Variants in TRAPPC6B observed in about 807,000 individuals in gnomAD.
The protein encoded by TRAPPC6B is trafficking protein particle complex subunit 6B.
TRAPPC6B carries 27 observed loss-of-function variants against 24.7 expected under a neutral mutation model. That is an observed-to-expected ratio of 1.09 (90% confidence interval 0.81 to 1.51). The LOEUF (loss-of-function observed/expected upper bound fraction) is 1.51. TRAPPC6B is among the 40% of genes most tolerant of loss of function. The pLI, the probability that TRAPPC6B is intolerant of heterozygous loss-of-function variation, is 0.00. For missense variants in TRAPPC6B, 212 were observed against 190.8 expected (o/e 1.11, Z -0.66); for synonymous variants, 80 against 66.6 (o/e 1.20, Z -0.98).
rs1481415905 is a variant in TRAPPC6B at position 39,154,201 on chromosome 14, C to T, written c.351+10G>A. 3.2e-6 allele frequency: 5 copies of T among 1,582,364 alleles called. No individual in the cohort carries two copies. Among genetic ancestry groups the T allele is most frequent in the Non-Finnish European group, 4.3e-6 (5 of 1,153,226 alleles). ...TTAACAAAAACCCCAACTTCTATTCCATTAAATACCTTAGATGCATGTTCT... is the reference window on the plus strand; with the variant it reads ...TTAACAAAAACCCCAACTTCTATTCTATTAAATACCTTAGATGCATGTTCT... On this transcript the variant is annotated intron_variant, in intron 4 of 5. Coordinates refer to ENST00000330149, the MANE Select transcript of TRAPPC6B (RefSeq NM_001079537.2).
At chr14:39,165,948 C>G (rs185935214) in intron 1 of TRAPPC6B, among the ~76,000 whole-genome samples, 41 of 152,288 alleles carry the variant, frequency 2.7e-4, no homozygotes, top group African/African-American at 8.7e-4. Context: ...GGACTACATG[C>G]GTGCACCACC....
intron 1 of TRAPPC6B, among the ~76,000 whole-genome samples, 188 bp from the exon 2 acceptor site, chr14:39,159,738 TTTTAC>T (rs752424036): frequency 4.7e-5 from 7 of 148,534 alleles, no homozygotes; most frequent in Middle Eastern, 7.1e-3. Context: ...TTACTTTACT[TTTTAC>T]TTTTTTTTTG....
At chr14:39,166,681 G>C (rs554425846) in intron 1 of TRAPPC6B, among the ~76,000 whole-genome samples, 2 of 152,264 alleles carry the variant, frequency 1.3e-5, no homozygotes, top group South Asian at 2.1e-4. Context: ...CATTATTCTG[G>C]AAGTCACAGA....
chr14:39,161,530 T>C (rs1046493640), intron 1 of TRAPPC6B, among the ~76,000 whole-genome samples: 1 of 152,182 alleles, frequency 6.6e-6, no homozygotes, highest in African/African-American at 2.4e-5. Flanking sequence ...TATAAATAAT[T>C]TCTCCCCAAA....
rs2052950914 is a variant in TRAPPC6B at position 39,154,309 on chromosome 14, G to C, written c.268-15C>G. ...ACATAGATGCCCTGTTCCAAAAATA[G>C]AAAAAAAATCCAAAGTCAATGTACC... On this transcript the variant is annotated splice_polypyrimidine_tract_variant and intron_variant, in intron 3 of 5. Transcript: ENST00000330149. The C allele has an allele frequency of 1.3e-6, 2 of 1,569,780 alleles. No individual in the cohort carries two copies. The highest frequency in any genetic ancestry group is 1.7e-6 in the Non-Finnish European group (2 of 1,146,180).
chr14:39,161,966 G>C (rs150281792), intron 1 of TRAPPC6B, among the ~76,000 whole-genome samples: 131 of 152,270 alleles, frequency 8.6e-4, no homozygotes, highest in African/African-American at 3.1e-3. Flanking sequence ...TTTTCTGGCA[G>C]CGTTAATAAC....
chr14:39,152,261 A>G (rs974319547), intron 4 of TRAPPC6B, among the ~76,000 whole-genome samples: 1 of 152,152 alleles, frequency 6.6e-6, no homozygotes, highest in Non-Finnish European at 1.5e-5. Flanking sequence ...CTATTCTTTG[A>G]GCTTATCAAT....
chr14:39,168,131 G>C (rs1298751708), intron 1 of TRAPPC6B, among the ~76,000 whole-genome samples: 1 of 151,342 alleles, frequency 6.6e-6, no homozygotes, highest in South Asian at 2.1e-4. Context: ...CAGGAGAATC[G>C]CTTGAACCCA....
intron 1 of TRAPPC6B, among the ~76,000 whole-genome samples, chr14:39,165,558 G>A (rs1263988098): frequency 2.0e-5 from 3 of 152,208 alleles, no homozygotes; most frequent in Non-Finnish European, 2.9e-5. Flanking sequence ...ACCGTAGGAG[G>A]CTGAGGCAGG....
At chr14:39,150,518 A>T in intron 5 of TRAPPC6B, 137 bp from the exon 6 acceptor site, 1 of 629,814 alleles carries the variant, frequency 1.6e-6, no homozygotes, top group Non-Finnish European at 2.7e-6. Flanking sequence ...CATTCTTCAT[A>T]ATATTCAATA....
intron 1 of TRAPPC6B, among the ~76,000 whole-genome samples, chr14:39,160,009 G>C (rs1753510151): frequency 6.6e-6 from 1 of 151,958 alleles, no homozygotes; most frequent in South Asian, 2.1e-4. Flanking sequence ...TTTTAGTAGA[G>C]AAAATACAAA....
chr14:39,170,057 C>T lies in TRAPPC6B; in HGVS notation c.39G>A (p.Glu13=), dbSNP rs2053152462. 6 of 1,614,176 alleles carry T rather than the reference C, an allele frequency of 3.7e-6. No homozygotes were observed. The highest frequency in any genetic ancestry group is 3.3e-5 in the Admixed American group (2 of 60,008). ...DEALFLLLHN[E]MVSGVYKSAE... Reference sequence around the variant, plus strand: ...CGGACTTGTACACTCCAGACACCATCTCGTTATGGAGAAGCAAAAACAACG... The same window carrying T: ...CGGACTTGTACACTCCAGACACCATTTCGTTATGGAGAAGCAAAAACAACG... Residue 13 remains glutamate (E), a synonymous_variant, in exon 1 of 6, where the codon GAG becomes GAA. Coordinates refer to ENST00000330149, the MANE Select transcript of TRAPPC6B (RefSeq NM_001079537.2).
chr14:39,164,737 T>C (rs1016095931), intron 1 of TRAPPC6B, among the ~76,000 whole-genome samples: 1 of 152,140 alleles, frequency 6.6e-6, no homozygotes, highest in African/African-American at 2.4e-5. Context: ...CTTGGGAGGC[T>C]GAGGTAGGAG....
chr14:39,164,003 C>A (rs1029828508), intron 1 of TRAPPC6B, among the ~76,000 whole-genome samples: 1 of 149,734 alleles, frequency 6.7e-6, no homozygotes, highest in Non-Finnish European at 1.5e-5. Flanking sequence ...CACTGTAGTC[C>A]GGTGGAGCCT....
At chr14:39,162,588 G>GT (rs1473485139) in intron 1 of TRAPPC6B, among the ~76,000 whole-genome samples, 1 of 152,066 alleles carries the variant, frequency 6.6e-6, no homozygotes, top group Non-Finnish European at 1.5e-5. Context: ...ATAAAACCTG[G>GT]TATCACCTTT....
At chr14:39,150,743 T>G (rs983960374) in intron 5 of TRAPPC6B, among the ~76,000 whole-genome samples, 1 of 152,154 alleles carries the variant, frequency 6.6e-6, no homozygotes, top group Admixed American at 6.6e-5. Flanking sequence ...TTCACCTTAT[T>G]GGCCAGGCTG....
At position 39,149,501 on chromosome 14, in the gene TRAPPC6B, C is replaced by T. The variant is rs892389990; in HGVS notation, c.*849G>A. The T allele has an allele frequency of 6.6e-6, 1 of 152,034 alleles. No individual in the cohort carries two copies. The highest frequency in any genetic ancestry group is 1.5e-5 in the Non-Finnish European group (1 of 67,998). The allele number at this position is 152,034 out of a possible 1,614,324, so 9.4% of individuals were successfully genotyped here. A position where few individuals can be genotyped will look rare whatever the true frequency, so the allele number is the denominator to read the frequency against. ...AAAGATATATCAGATGAGCACTGAC[C>T]CCAAACCACTAAGATGATATGGTCC... is the stretch of plus-strand genomic sequence containing the variant. On this transcript the variant is annotated 3_prime_UTR_variant, in exon 6 of 6. Coordinates refer to ENST00000330149, the MANE Select transcript of TRAPPC6B (RefSeq NM_001079537.2).
intron 1 of TRAPPC6B, among the ~76,000 whole-genome samples, chr14:39,168,227 AAAAG>A (rs1267674244): frequency 6.6e-6 from 1 of 151,712 alleles, no homozygotes; most frequent in Non-Finnish European, 1.5e-5. Context: ...AAAAAAAAAA[AAAAG>A]AGAGAGAGAG....
rs556101334 is a variant in TRAPPC6B at position 39,167,306 on chromosome 14, A to G, written c.81+2709T>C. Among the ~76,000 whole-genome samples, 6 of 152,212 alleles carry G rather than the reference A, an allele frequency of 3.9e-5. No individual in the cohort carries two copies. The East Asian group carries it at 9.6e-4, about 24-fold the overall frequency. ...AAACCTTGATTTGGAGGGTTAGAAC[A>G]CTGTTTCTTTCTTTTATCTCACCTC... On this transcript the variant is annotated intron_variant, in intron 1 of 5. Transcript: ENST00000330149.
Sources: gnomAD v4.1 joint callset for allele counts (sites outside exome capture counted in the v4.1 genomes callset) on GRCh38, gnomAD v4.1.1 for gene constraint, MANE v1.5 for transcripts, NCBI Gene and HGNC (gene_info 2026-07-23, HGNC 2026-07-21) for gene names.